NT5C2: variants seen among roughly 807,000 people sequenced by gnomAD.
NT5C2 encodes cytosolic purine 5'-nucleotidase.
In NT5C2, 58 loss-of-function variants were observed where a neutral mutation model predicts 76.1. The observed-to-expected ratio is 0.76, with a 90% CI of 0.62 to 0.95. The LOEUF (loss-of-function observed/expected upper bound fraction) is 0.95. Among genes scored for constraint, NT5C2 ranks in the 40% least tolerant of loss-of-function variants. The pLI, the probability that NT5C2 is intolerant of heterozygous loss-of-function variation, is 0.00. For missense variants in NT5C2, 478 were observed against 690.3 expected (o/e 0.69, Z 3.45); for synonymous variants, 229 against 237.4 (o/e 0.96, Z 0.32).
chr10:103,139,386 A>T lies in NT5C2; in HGVS notation c.175+20T>A. 6.5e-7 allele frequency: 1 copy of T among 1,530,140 alleles called. No homozygotes were observed. Among genetic ancestry groups the T allele is most frequent in the Non-Finnish European group, 8.9e-7 (1 of 1,123,130 alleles). The allele number at this position is 1,530,140 out of a possible 1,614,324, so 94.8% of individuals were successfully genotyped here. A position where few individuals can be genotyped will look rare whatever the true frequency, so the allele number is the denominator to read the frequency against. On this transcript the variant is annotated intron_variant, in intron 4 of 18. Transcript: ENST00000404739. ...ATACCCAAAGCAGCAGTTCTTAAGC[A>T]ATCAGAAATTGCTACTCACCAGCAA...
At chr10:103,191,399 G>A (rs111695680) in intron 1 of NT5C2, among the ~76,000 whole-genome samples, 16 of 68,750 alleles carry the variant, frequency 2.3e-4, no homozygotes, top group South Asian at 1.2e-3. Flanking sequence ...AAAAAAAAAA[G>A]AGAGAGAGAG....
intron 3 of NT5C2, among the ~76,000 whole-genome samples, chr10:103,142,312 G>A (rs1272089014): frequency 1.3e-5 from 2 of 152,120 alleles, no homozygotes; most frequent in African/African-American, 4.8e-5. Flanking sequence ...TGAAGACATA[G>A]GAAAAACTGA....
intron 4 of NT5C2, among the ~76,000 whole-genome samples, chr10:103,119,942 T>C (rs1217791624): frequency 6.6e-6 from 1 of 151,300 alleles, no homozygotes; most frequent in Admixed American, 6.6e-5. Flanking sequence ...CTACAAAAAA[T>C]AAAAAAATTA....
intron 2 of NT5C2, among the ~76,000 whole-genome samples, chr10:103,179,276 A>G (rs1188400247): frequency 6.6e-6 from 1 of 151,986 alleles, no homozygotes; most frequent in African/African-American, 2.4e-5. Context: ...ACTTGCTTTC[A>G]CTTTACTTTA....
At chr10:103,130,584 A>T (rs1448772661) in intron 4 of NT5C2, among the ~76,000 whole-genome samples, 2 of 5,452 alleles carry the variant, frequency 3.7e-4, no homozygotes, top group African/African-American at 5.8e-4. Context: ...AATAAAAATT[A>T]AAAAAAAAAA....
chr10:103,156,288 C>T (rs1489334256), intron 3 of NT5C2, among the ~76,000 whole-genome samples: 1 of 152,078 alleles, frequency 6.6e-6, no homozygotes, highest in African/African-American at 2.4e-5. Context: ...AATGAAAAGG[C>T]CAGAGTCTAG....
chr10:103,115,954 T>C (rs1445136352), intron 4 of NT5C2, among the ~76,000 whole-genome samples: 1 of 152,154 alleles, frequency 6.6e-6, no homozygotes, highest in Non-Finnish European at 1.5e-5. Context: ...TTTCCTAACA[T>C]GGAGGGACCA....
intron 1 of NT5C2, among the ~76,000 whole-genome samples, chr10:103,189,997 CTTTTTTTTT>C (rs1239145078): frequency 3.7e-5 from 4 of 108,048 alleles, no homozygotes; most frequent in East Asian, 2.8e-4. Flanking sequence ...TTGTGGCTTT[CTTTTTTTTT>C]TTTTTTTTTT....
intron 3 of NT5C2, among the ~76,000 whole-genome samples, chr10:103,147,386 C>A (rs1278719650): frequency 1.3e-5 from 2 of 152,208 alleles, no homozygotes; most frequent in Admixed American, 6.5e-5. Context: ...TGTTTATATT[C>A]TTTTCCCTAA....
In NT5C2 at chr10:103,088,953, T is replaced by C. The variant is rs1037324627; in HGVS notation, c.*719A>G. ...CCTTTGTCCACTTGCAGCTAAATTC[T>C]TTCTATAGATTTATCACAGATAAGA... On this transcript the variant is annotated 3_prime_UTR_variant, in exon 19 of 19. Coordinates refer to ENST00000404739, the MANE Select transcript of NT5C2 (RefSeq NM_001351169.2). 2.2e-4 allele frequency: 47 copies of C among 210,280 alleles called. 1 individual carries two copies. Among genetic ancestry groups the C allele is most frequent in the South Asian group, 1.9e-4 (1 of 5,340 alleles). The allele number at this position is 210,280 out of a possible 1,614,324, so 13.0% of individuals were successfully genotyped here.
At chr10:103,179,115 AT>A in intron 2 of NT5C2, among the ~76,000 whole-genome samples, 1 of 151,444 alleles carries the variant, frequency 6.6e-6, no homozygotes, top group African/African-American at 2.4e-5. Context: ...TGCCCGGCTA[AT>A]TTTTGTATTT....
At position 103,089,630 on chromosome 10, in the gene NT5C2, C is replaced by T. The variant is rs1410907573; in HGVS notation, c.*42G>A. On this transcript the variant is annotated 3_prime_UTR_variant, in exon 19 of 19. Transcript: ENST00000404739. ...CCTCGTTTGTTCCTGTGAGTCCTGCCAGGACTTGTTTAATGGGTGCTTGGG... is the reference window on the plus strand; with the variant it reads ...CCTCGTTTGTTCCTGTGAGTCCTGCTAGGACTTGTTTAATGGGTGCTTGGG... 1.3e-6 allele frequency: 2 copies of T among 1,538,362 alleles called. No individual in the cohort carries two copies. Among genetic ancestry groups the T allele is most frequent in the African/African-American group, 1.4e-5 (1 of 72,594 alleles).
intron 1 of NT5C2, among the ~76,000 whole-genome samples, chr10:103,186,669 C>T (rs1376070915): frequency 6.6e-6 from 1 of 152,138 alleles, no homozygotes; most frequent in Non-Finnish European, 1.5e-5. Context: ...AATCCCAGCA[C>T]TTTGGGAGGC....
At chr10:103,107,835 A>G (rs1183294805) in intron 4 of NT5C2, among the ~76,000 whole-genome samples, 2 of 152,008 alleles carry the variant, frequency 1.3e-5, no homozygotes, top group East Asian at 3.9e-4. Flanking sequence ...AACTTTTCAG[A>G]GTTTACTACT....
chr10:103,090,099 A>C, intron 18 of NT5C2, 191 bp from the exon 19 acceptor site: 1 of 470,094 alleles, frequency 2.1e-6, no homozygotes, highest in Non-Finnish European at 3.7e-6. Flanking sequence ...GCCCCTCAAA[A>C]TGGTGCCCAT....
chr10:103,096,528 T>C (rs1267901676), intron 11 of NT5C2, among the ~76,000 whole-genome samples: 2 of 152,040 alleles, frequency 1.3e-5, no homozygotes, highest in East Asian at 3.9e-4. Flanking sequence ...GCTTTAATCA[T>C]GGGAAAAAAC....
intron 4 of NT5C2, among the ~76,000 whole-genome samples, chr10:103,135,851 G>A (rs1045396762): frequency 1.3e-5 from 2 of 152,150 alleles, no homozygotes; most frequent in African/African-American, 2.4e-5. Context: ...TTGGGAGGCC[G>A]AGGCAGGTGG....
chr10:103,110,008 A>G (rs1453846328), intron 4 of NT5C2, among the ~76,000 whole-genome samples: 2 of 152,178 alleles, frequency 1.3e-5, no homozygotes, highest in African/African-American at 4.8e-5. Context: ...AATACTTTAA[A>G]TTTCCTTTTT....
intron 4 of NT5C2, among the ~76,000 whole-genome samples, chr10:103,114,745 G>A (rs2073941130): frequency 6.6e-6 from 1 of 152,130 alleles, no homozygotes; most frequent in Non-Finnish European, 1.5e-5. Context: ...AAAAACGGAG[G>A]AAGTGGATTA....
Sources: allele counts gnomAD v4.1 joint callset (sites outside exome capture counted in the v4.1 genomes callset), GRCh38; gene constraint gnomAD v4.1.1; transcripts MANE v1.5; gene names NCBI Gene and HGNC (gene_info 2026-07-23, HGNC 2026-07-21).